Variants in C5orf46 observed in about 807,000 individuals in gnomAD.
C5orf46 encodes uncharacterized protein C5orf46.
In C5orf46, 9 loss-of-function variants were observed where a neutral mutation model predicts 8.9. The observed-to-expected ratio is 1.01, with a 90% CI of 0.61 to 1.76. The LOEUF is 1.76. Among genes scored for constraint, C5orf46 ranks in the 40% most tolerant of loss-of-function variants. C5orf46 has a pLI of 0.00. For synonymous variants in C5orf46, 47 were observed against 41.4 expected, an observed-to-expected ratio of 1.14 and a Z score of -0.52; for missense variants, 98 against 107.8, an observed-to-expected ratio of 0.91 and a Z score of 0.40.
chr5:147,902,752 C>A (rs1490042770), intron 1 of C5orf46, among the ~76,000 whole-genome samples: 1 of 152,170 alleles, frequency 6.6e-6, no homozygotes, highest in Non-Finnish European at 1.5e-5. Context: ...AAAAGTTATG[C>A]AATTTGCACT....
Position 147,892,880 on chromosome 5 carries a change from C to G in C5orf46, c.*69G>C, listed in dbSNP as rs1433716587. 1 of 152,142 alleles carries G rather than the reference C, an allele frequency of 6.6e-6. No homozygotes were observed. The highest frequency in any genetic ancestry group is 2.4e-5 in the African/African-American group (1 of 41,432). 9.4% of individuals were successfully genotyped at this position (152,142 alleles called of 1,614,324 possible). A position where few individuals can be genotyped will look rare whatever the true frequency, so the allele number is the denominator to read the frequency against. ...CTCTGTCCTGGAGGACTTGTGGAGCCAAACTGGAAAAGCAGGATTTGGCTG... is the reference window on the plus strand; with the variant it reads ...CTCTGTCCTGGAGGACTTGTGGAGCGAAACTGGAAAAGCAGGATTTGGCTG... On this transcript the variant is annotated 3_prime_UTR_variant, in exon 4 of 4. Coordinates refer to ENST00000318315, the MANE Select transcript of C5orf46 (RefSeq NM_206966.3).
intron 2 of C5orf46, chr5:147,887,690 A>C (rs1236676953): frequency 6.6e-6 from 1 of 152,210 alleles, no homozygotes; most frequent in African/African-American, 2.4e-5. Flanking sequence ...GATAATTATA[A>C]GTTATGATAA....
chr5:147,890,194 C>T (rs1452530472), downstream of C5orf46, among the ~76,000 whole-genome samples: 3 of 152,126 alleles, frequency 2.0e-5, no homozygotes, highest in African/African-American at 4.8e-5. Context: ...TGGTTATGCA[C>T]GCATATCTTC....
intron 2 of C5orf46, chr5:147,887,591 A>G (rs1401120999): frequency 1.3e-5 from 2 of 152,218 alleles, no homozygotes; most frequent in East Asian, 3.8e-4. Context: ...CAGGAAGCAT[A>G]CAGTAATAAA....
intron 1 of C5orf46, among the ~76,000 whole-genome samples, chr5:147,903,568 C>T (rs923706997): frequency 2.6e-5 from 4 of 152,040 alleles, no homozygotes; most frequent in African/African-American, 9.7e-5. Context: ...AAAATGGAAA[C>T]TATTAGTAAA....
chr5:147,895,349 T>C (rs910259159), intron 3 of C5orf46, among the ~76,000 whole-genome samples: 8 of 152,180 alleles, frequency 5.3e-5, no homozygotes, highest in South Asian at 2.1e-4. Context: ...ATTACAACCC[T>C]AGATTGAGCC....
At position 147,901,624 on chromosome 5, in the gene C5orf46, C is replaced by T. The variant is rs1218186165; in HGVS notation, c.215+5G>A. The T allele has an allele frequency of 3.1e-6, 5 of 1,613,466 alleles. No homozygotes were observed. The African/African-American group carries it at 5.3e-5, about 17-fold the overall frequency. On this transcript the variant is annotated splice_donor_5th_base_variant and intron_variant, in intron 2 of 3. Transcript: ENST00000318315. ...ACAAAAAGCAACGTTTTTCTCAGTG[C>T]TTACGTGCTCCTGGACATGGAGCGG...
downstream of C5orf46, among the ~76,000 whole-genome samples, chr5:147,887,877 A>T (rs1757444649): frequency 6.6e-6 from 1 of 152,170 alleles, no homozygotes; most frequent in Non-Finnish European, 1.5e-5. Context: ...CCTGAGGATA[A>T]GGAGAACTTG....
chr5:147,903,601 G>C (rs917836741), intron 1 of C5orf46, among the ~76,000 whole-genome samples: 6 of 152,132 alleles, frequency 3.9e-5, no homozygotes, highest in South Asian at 4.1e-4. Flanking sequence ...GCAATTCTAT[G>C]AGCATTTATT....
At chr5:147,906,049 A>T (rs1185872181) in intron 1 of C5orf46, among the ~76,000 whole-genome samples, 2 of 152,180 alleles carry the variant, frequency 1.3e-5, no homozygotes, top group Non-Finnish European at 2.9e-5. Context: ...CTAAAGTCAC[A>T]TTTCTGGTTA....
intron 2 of C5orf46, among the ~76,000 whole-genome samples, chr5:147,897,921 A>C (rs1757608617): frequency 6.6e-6 from 1 of 152,148 alleles, no homozygotes; most frequent in Non-Finnish European, 1.5e-5. Context: ...CTCATTAGTC[A>C]TTGGGGCTTC....
At chr5:147,906,214 T>G (rs924909542) in intron 1 of C5orf46, among the ~76,000 whole-genome samples, 1 of 152,200 alleles carries the variant, frequency 6.6e-6, no homozygotes, top group Non-Finnish European at 1.5e-5. Flanking sequence ...ATAAAAAAAT[T>G]TCAAACTTCA....
intron 1 of C5orf46, among the ~76,000 whole-genome samples, chr5:147,904,418 A>G (rs541859286): frequency 5.5e-4 from 84 of 152,336 alleles, no homozygotes; most frequent in African/African-American, 1.9e-3. Flanking sequence ...TTCACATTGT[A>G]TAATACAACC....
chr5:147,897,109 G>A (rs2127127712), intron 2 of C5orf46, 68 bp from the exon 3 acceptor site: 2 of 696,330 alleles, frequency 2.9e-6, no homozygotes, highest in Non-Finnish European at 4.8e-6. Context: ...TGATCACTAA[G>A]GCGCTGTATA....
chr5:147,901,861 G>C (rs1757677125), intron 1 of C5orf46, 88 bp from the exon 2 acceptor site: 2 of 1,420,124 alleles, frequency 1.4e-6, no homozygotes, highest in Admixed American at 2.3e-5. Context: ...GATTCTTTCT[G>C]ACCCACTCAC....
intron 2 of C5orf46, chr5:147,901,423 T>C (rs1757667076): frequency 2.3e-6 from 1 of 437,228 alleles, no homozygotes; most frequent in Non-Finnish European, 4.0e-6. Context: ...AACCACTTGA[T>C]GGGAATGTCC....
intron 2 of C5orf46, chr5:147,887,381 C>T (rs951716625): frequency 6.6e-6 from 1 of 152,118 alleles, no homozygotes; most frequent in Non-Finnish European, 1.5e-5. Context: ...TAGTAACTAC[C>T]TCTGACTTCA....
downstream of C5orf46, among the ~76,000 whole-genome samples, chr5:147,891,332 T>C (rs1045190701): frequency 1.3e-5 from 2 of 152,308 alleles, no homozygotes; most frequent in Admixed American, 6.5e-5. Flanking sequence ...GTGTACCTGC[T>C]GGCTGAAGAC....
At chr5:147,894,755 T>TG (rs1757554559) in intron 3 of C5orf46, among the ~76,000 whole-genome samples, 1 of 130,648 alleles carries the variant, frequency 7.7e-6, no homozygotes, top group African/African-American at 2.8e-5. Context: ...AAGAAATGTG[T>TG]AAAAAAAAAA....
Sources: gnomAD v4.1 joint callset for allele counts (sites outside exome capture counted in the v4.1 genomes callset) on GRCh38, gnomAD v4.1.1 for gene constraint, MANE v1.5 for transcripts, NCBI Gene and HGNC (gene_info 2026-07-23, HGNC 2026-07-21) for gene names.